Variants in EFR3B observed in about 807,000 individuals in gnomAD.
EFR3B encodes the protein EFR3 homolog B.
Under a neutral mutation model 104.7 loss-of-function variants are expected in EFR3B, and 64 were observed. That is an observed-to-expected ratio of 0.61 (90% CI 0.50 to 0.75). The LOEUF (loss-of-function observed/expected upper bound fraction) is 0.75. Ranked by LOEUF, EFR3B falls within the 30% of genes least tolerant of loss-of-function variation. The probability of loss-of-function intolerance (pLI) is 0.00; values close to 1 mark genes in which losing one functional copy is unlikely to be tolerated. For missense variants in EFR3B, 750 were observed against 1,078.5 expected, an observed-to-expected ratio of 0.70 and a Z score of 4.27; for synonymous variants, 385 against 417.9, an observed-to-expected ratio of 0.92 and a Z score of 0.96.
At chr2:25,087,982 G>A (rs1194120830) in intron 1 of EFR3B, among the ~76,000 whole-genome samples, 4 of 152,214 alleles carry the variant, frequency 2.6e-5, no homozygotes, top group Admixed American at 6.5e-5. Flanking sequence ...CAGGGTGTAA[G>A]GGCTGTGTAT....
intron 1 of EFR3B, among the ~76,000 whole-genome samples, chr2:25,057,316 T>A (rs1668049298): frequency 6.6e-6 from 1 of 152,212 alleles, no homozygotes; most frequent in Non-Finnish European, 1.5e-5. Flanking sequence ...ACAAAACTTC[T>A]GCATGCTGGG....
chr2:25,134,177 ATTTT>A (rs58106803), intron 12 of EFR3B, among the ~76,000 whole-genome samples: 1 of 138,586 alleles, frequency 7.2e-6, no homozygotes. Context: ...CTCAGTTTAT[ATTTT>A]TTTTTTTTTT....
intron 1 of EFR3B, among the ~76,000 whole-genome samples, chr2:25,070,421 C>A (rs969645469): frequency 1.3e-5 from 2 of 152,106 alleles, no homozygotes; most frequent in Non-Finnish European, 2.9e-5. Flanking sequence ...GCCACCACGC[C>A]CGGCTAATAT....
At chr2:25,133,546 A>G in intron 12 of EFR3B, 112 bp downstream of exon 12, 1 of 1,147,854 alleles carries the variant, frequency 8.7e-7, no homozygotes, top group South Asian at 1.3e-5. Context: ...CTGCACAAAT[A>G]CACCCAGTCG....
At chr2:25,068,283 T>C (rs1668391834) in intron 1 of EFR3B, among the ~76,000 whole-genome samples, 1 of 152,152 alleles carries the variant, frequency 6.6e-6, no homozygotes, top group Non-Finnish European at 1.5e-5. Flanking sequence ...CTGATCTCTG[T>C]TTCCACTCCC....
At chr2:25,151,766 G>A (rs1671015687) in intron 20 of EFR3B, 148 bp from the exon 21 acceptor site, 1 of 761,288 alleles carries the variant, frequency 1.3e-6, no homozygotes, top group Non-Finnish European at 2.0e-6. Flanking sequence ...AGGGCCAAGT[G>A]AGGGCACCGC....
chr2:25,092,820 G>A (rs572993091), intron 2 of EFR3B, among the ~76,000 whole-genome samples, 183 bp from the exon 3 acceptor site: 5 of 152,222 alleles, frequency 3.3e-5, no homozygotes, highest in African/African-American at 7.2e-5. Flanking sequence ...GATTATAGGC[G>A]TGAGCCTATA....
intron 6 of EFR3B, among the ~76,000 whole-genome samples, chr2:25,128,699 C>T (rs1258170730): frequency 6.6e-6 from 1 of 152,046 alleles, no homozygotes; most frequent in East Asian, 1.9e-4. Context: ...TGGCTCACGC[C>T]TGTAATCCCA....
At chr2:25,147,833 C>T (rs1288863891) in intron 19 of EFR3B, 1 of 152,038 alleles carries the variant, frequency 6.6e-6, no homozygotes, top group Admixed American at 6.6e-5. Flanking sequence ...CCAGCCTGAT[C>T]AACATGGTGA....
At chr2:25,107,223 A>C (rs1174909581) in intron 4 of EFR3B, among the ~76,000 whole-genome samples, 1 of 152,096 alleles carries the variant, frequency 6.6e-6, no homozygotes, top group Non-Finnish European at 1.5e-5. Context: ...CTCTGTGCAG[A>C]TAGCCCCCAA....
chr2:25,136,631 G>T lies in EFR3B; in HGVS notation c.1560+33G>T, dbSNP rs1265082327. On this transcript the variant is annotated intron_variant, in intron 14 of 22. Transcript: ENST00000403714. This position sits in a 1 kb window ranked among gnomAD's most constrained non-coding sequence, Gnocchi z 4.0. Reference sequence around the variant, plus strand: ...AGCATGACCTCCAGGCACAGTGAAGGGCGGGCACGGTGGCTCACGCCTGCA... The same window carrying T: ...AGCATGACCTCCAGGCACAGTGAAGTGCGGGCACGGTGGCTCACGCCTGCA... 6.5e-7 allele frequency: 1 copy of T among 1,541,488 alleles called. No individual in the cohort carries two copies. The highest frequency in any genetic ancestry group is 1.2e-5 in the South Asian group (1 of 83,862).
chr2:25,088,901 C>T (rs1377343579), intron 1 of EFR3B, among the ~76,000 whole-genome samples: 1 of 152,154 alleles, frequency 6.6e-6, no homozygotes, highest in East Asian at 1.9e-4. Context: ...CTCACCTTCC[C>T]CTGTTATTCT....
intron 1 of EFR3B, chr2:25,081,569 G>A: frequency 1.1e-6 from 1 of 909,726 alleles, no homozygotes; most frequent in South Asian, 1.3e-5. Flanking sequence ...TGGAGTCCAT[G>A]GTTATTCAAC....
chr2:25,124,984 G>A (rs1167393149), intron 5 of EFR3B, among the ~76,000 whole-genome samples: 1 of 151,990 alleles, frequency 6.6e-6, no homozygotes, highest in African/African-American at 2.4e-5. Flanking sequence ...CTTGAACCTG[G>A]GAGGTGGAAG....
At chr2:25,079,795 TG>T in intron 1 of EFR3B, 1 of 672,794 alleles carries the variant, frequency 1.5e-6, no homozygotes, top group South Asian at 1.4e-5. Flanking sequence ...TATACCTACA[TG>T]GCAATTACAA....
At chr2:25,094,408 G>A (rs1669223332) in intron 3 of EFR3B, among the ~76,000 whole-genome samples, 1 of 152,136 alleles carries the variant, frequency 6.6e-6, no homozygotes, top group African/African-American at 2.4e-5. Flanking sequence ...CCAAATAGTG[G>A]GTGGAGTGGA....
At chr2:25,060,005 C>T (rs980074952) in intron 1 of EFR3B, among the ~76,000 whole-genome samples, 5 of 151,606 alleles carry the variant, frequency 3.3e-5, no homozygotes, top group South Asian at 2.1e-4. Context: ...GAGACCAGCC[C>T]GGCCAACATG....
chr2:25,113,888 C>T (rs933777602), intron 4 of EFR3B, among the ~76,000 whole-genome samples: 1 of 151,992 alleles, frequency 6.6e-6, no homozygotes, highest in African/African-American at 2.4e-5. Flanking sequence ...ATTTGAAAGA[C>T]AGGGAAACTG....
chr2:25,142,028 G>A (rs563058875), intron 17 of EFR3B, among the ~76,000 whole-genome samples: 114 of 152,280 alleles, frequency 7.5e-4, no homozygotes, highest in Admixed American at 1.8e-3. Flanking sequence ...AGCTGGGTGC[G>A]GTGGCTCACG....
Sources: allele counts gnomAD v4.1 joint callset (sites outside exome capture counted in the v4.1 genomes callset), GRCh38; gene constraint gnomAD v4.1.1; non-coding constraint Gnocchi (gnomAD v3.1); transcripts MANE v1.5; gene names NCBI Gene and HGNC (gene_info 2026-07-23, HGNC 2026-07-21).